The following GALNTL6 variants were observed in gnomAD, a reference collection of about 807,000 sequenced individuals.
GALNTL6 encodes polypeptide N-acetylgalactosaminyltransferase like 6, also known as polypeptide N-acetylgalactosaminyltransferase-like 6.
A neutral mutation model predicts 73.7 loss-of-function variants in GALNTL6; 46 were observed. The observed-to-expected ratio is 0.62, with a 90% CI of 0.49 to 0.80. GALNTL6 has a LOEUF of 0.80. GALNTL6 is among the 30% of genes least tolerant of loss of function. The pLI, the probability that GALNTL6 is intolerant of heterozygous loss-of-function variation, is 0.00. For missense variants in GALNTL6, 604 were observed against 755.0 expected (o/e 0.80, Z 2.34); for synonymous variants, 259 against 263.7 (o/e 0.98, Z 0.17).
At chr4:172,383,189 ACATTG>A (rs1344227120) in intron 5 of GALNTL6, among the ~76,000 whole-genome samples, 1 of 152,058 alleles carries the variant, frequency 6.6e-6, no homozygotes, top group Non-Finnish European at 1.5e-5. Flanking sequence ...TTTTTGGTAG[ACATTG>A]CATTGAATCC....
intron 2 of GALNTL6, among the ~76,000 whole-genome samples, chr4:171,869,910 T>C (rs766148748): frequency 6.6e-4 from 101 of 152,304 alleles, no homozygotes; most frequent in Admixed American, 1.3e-3. Flanking sequence ...TACGAGTCCA[T>C]TAAACCTCTT....
rs1299179725 is a variant in GALNTL6, at chr4:172,069,440, A to G, written c.139-160216A>G. ...GTTATATATAACACACATATAACAT[A>G]TATATGTAATATATAACACACATAT... On this transcript the variant is annotated intron_variant, in intron 2 of 12. Transcript: ENST00000506823. 6.3e-5 allele frequency among the ~76,000 whole-genome samples: 5 copies of G among 79,084 alleles called. 1 individual carries two copies. In the East Asian group the frequency reaches 1.2e-3, roughly 19 times the overall value. The allele number at this position is 79,084 out of a possible 152,430, so 51.9% of individuals were successfully genotyped here.
intron 5 of GALNTL6, among the ~76,000 whole-genome samples, chr4:172,688,788 T>C (rs951154952): frequency 5.3e-5 from 8 of 152,200 alleles, no homozygotes; most frequent in African/African-American, 1.9e-4. Flanking sequence ...TTTCCCCTTA[T>C]GGAGAGTACC....
intron 5 of GALNTL6, among the ~76,000 whole-genome samples, chr4:172,563,350 A>G (rs1350923596): frequency 8.0e-6 from 1 of 124,412 alleles, no homozygotes; most frequent in Non-Finnish European, 1.9e-5. Flanking sequence ...GGAGCCCAAA[A>G]TGACCAACTG....
At chr4:172,555,778 T>G (rs1736119343) in intron 5 of GALNTL6, among the ~76,000 whole-genome samples, 1 of 152,098 alleles carries the variant, frequency 6.6e-6, no homozygotes, top group South Asian at 2.1e-4. Flanking sequence ...TTAAAAGAAT[T>G]TTTAACTCTA....
intron 5 of GALNTL6, among the ~76,000 whole-genome samples, chr4:172,669,578 G>A (rs1034547845): frequency 1.2e-4 from 18 of 152,224 alleles, no homozygotes; most frequent in Middle Eastern, 3.4e-3. Flanking sequence ...AAGTTGTTAC[G>A]GAATTAGAGA....
chr4:172,773,646 A>G (rs755746472), intron 5 of GALNTL6, among the ~76,000 whole-genome samples: 7 of 151,564 alleles, frequency 4.6e-5, no homozygotes, highest in Non-Finnish European at 8.8e-5. Flanking sequence ...AATAAATGGC[A>G]CTTTACATAT....
At chr4:172,341,450 CAAAAAAAAAAAAA>C (rs4048503) in intron 4 of GALNTL6, among the ~76,000 whole-genome samples, 1 of 118,022 alleles carries the variant, frequency 8.5e-6, no homozygotes, top group African/African-American at 4.0e-5. Flanking sequence ...GACTCCGTCT[CAAAAAAAAAAAAA>C]AAAAAAAAAA....
At chr4:172,274,839 A>G (rs1738774548) in intron 3 of GALNTL6, among the ~76,000 whole-genome samples, 1 of 152,208 alleles carries the variant, frequency 6.6e-6, no homozygotes, top group Non-Finnish European at 1.5e-5. Context: ...TTCATGTCAG[A>G]TCAAAGGTTT....
intron 7 of GALNTL6, among the ~76,000 whole-genome samples, chr4:172,832,625 A>C (rs1742699073): frequency 1.3e-5 from 2 of 152,180 alleles, no homozygotes; most frequent in African/African-American, 4.8e-5. Flanking sequence ...GCCCCGGTAG[A>C]CTGGCTTCCT....
At chr4:172,810,444 A>G (rs1741230992) in intron 6 of GALNTL6, among the ~76,000 whole-genome samples, 1 of 152,202 alleles carries the variant, frequency 6.6e-6, no homozygotes, top group African/African-American at 2.4e-5. Context: ...ACTTTGCTAA[A>G]TCAACTTTTA....
At chr4:172,514,092 G>A (rs574203005) in intron 5 of GALNTL6, among the ~76,000 whole-genome samples, 1 of 152,226 alleles carries the variant, frequency 6.6e-6, no homozygotes, top group South Asian at 2.1e-4. Flanking sequence ...AGTATAGAAG[G>A]GATACAAGCT....
rs1398417145 is a variant in GALNTL6, at chr4:172,789,481, ATTC to A, written c.554-19873_554-19871del. ...TGTATTTTATGTGTGGCCCAATATA[ATTC>A]TTCTTCCAATGTGACCCAGGGAATC... is the stretch of plus-strand genomic sequence containing the variant. On this transcript the variant is annotated intron_variant, in intron 5 of 12. Coordinates refer to ENST00000506823, the MANE Select transcript of GALNTL6 (RefSeq NM_001034845.3). 5.3e-5 allele frequency among the ~76,000 whole-genome samples: 8 copies of A among 152,086 alleles called. No individual in the cohort carries two copies. The East Asian group carries it at 1.4e-3, about 26-fold the overall frequency.
At chr4:171,938,798 A>G (rs1204694327) in intron 2 of GALNTL6, among the ~76,000 whole-genome samples, 1 of 152,134 alleles carries the variant, frequency 6.6e-6, no homozygotes, top group Non-Finnish European at 1.5e-5. Context: ...CATCCTATCT[A>G]ATGAAAGTAG....
At chr4:172,824,804 C>T (rs1342937264) in intron 7 of GALNTL6, among the ~76,000 whole-genome samples, 2 of 151,958 alleles carry the variant, frequency 1.3e-5, no homozygotes, top group African/African-American at 2.4e-5. Flanking sequence ...AAAACAGTAC[C>T]GCACATACTC....
rs567643490 is a variant in GALNTL6 at position 172,720,790 on chromosome 4, C to T, written c.554-88571C>T. ...AATTATTTTACCTCTCACTGTTAGC[C>T]AATGTCAATTAAAATATTACCTCCA... On this transcript the variant is annotated intron_variant, in intron 5 of 12. Transcript: ENST00000506823. 1.6e-4 allele frequency among the ~76,000 whole-genome samples: 24 copies of T among 152,288 alleles called. No homozygotes were observed. In the South Asian group the frequency reaches 4.8e-3, roughly 30 times the overall value.
chr4:172,325,900 A>G (rs78463544), intron 4 of GALNTL6, among the ~76,000 whole-genome samples: 4,104 of 151,922 alleles, frequency 0.027, 158 homozygotes, highest in African/African-American at 0.087. Flanking sequence ...ACTCTACAAT[A>G]GCAGAGTTTA....
intron 2 of GALNTL6, among the ~76,000 whole-genome samples, chr4:172,219,074 AT>A (rs1447570885): frequency 1.3e-5 from 2 of 150,186 alleles, no homozygotes; most frequent in Non-Finnish European, 3.0e-5. Context: ...AGAATATGAA[AT>A]TTCTGTCCAT....
Position 171,907,715 on chromosome 4 carries a change from A to G in GALNTL6, c.138+92997A>G, listed in dbSNP as rs543784947. Among the ~76,000 whole-genome samples, 174 of 149,730 alleles carry G rather than the reference A, an allele frequency of 1.2e-3. 1 individual carries two copies. Among genetic ancestry groups the G allele is most frequent in the Admixed American group, 4.5e-3 (67 of 15,038 alleles). ...AATCCTAAGCCAAAAGAACAAAGCC[A>G]GAGGCATCACACTACCTGACTTCAA... On this transcript the variant is annotated intron_variant, in intron 2 of 12. Transcript: ENST00000506823.
Sources: gnomAD v4.1 joint callset for allele counts (sites outside exome capture counted in the v4.1 genomes callset) on GRCh38, gnomAD v4.1.1 for gene constraint, MANE v1.5 for transcripts, NCBI Gene and HGNC (gene_info 2026-07-23, HGNC 2026-07-21) for gene names.